ESRRG: variants seen among roughly 807,000 people sequenced by gnomAD.
The protein encoded by ESRRG is estrogen-related receptor gamma.
In ESRRG, 13 loss-of-function variants were observed where a neutral mutation model predicts 44.0. The ratio of observed to expected loss-of-function variants is 0.30; its 90% CI spans 0.19 to 0.47. ESRRG has a LOEUF of 0.47. ESRRG is among the 20% of genes least tolerant of loss of function. The pLI, the probability that ESRRG is intolerant of heterozygous loss-of-function variation, is 1.00. For synonymous variants in ESRRG, 215 were observed against 214.6 expected (o/e 1.00, Z -0.02); for missense variants, 395 against 580.6 (o/e 0.68, Z 3.29).
chr1:216,761,609 A>AT (rs2092778207), intron 2 of ESRRG, among the ~76,000 whole-genome samples: 1 of 152,160 alleles, frequency 6.6e-6, no homozygotes. Context: ...GAATACAACA[A>AT]TTAAAAACAG....
At chr1:216,530,995 C>A (rs1442736766) in intron 5 of ESRRG, among the ~76,000 whole-genome samples, 1 of 152,012 alleles carries the variant, frequency 6.6e-6, no homozygotes, top group Non-Finnish European at 1.5e-5. Flanking sequence ...AACTCAGTGT[C>A]TTTAACATAT....
chr1:216,600,023 A>T lies in ESRRG; in HGVS notation c.590-31925T>A, dbSNP rs552680480. Reference sequence around the variant, plus strand: ...GGATTAAGAAGTCACACACACTAATAGCCCCTGTTAACAAAACCTAAACCG... The same window carrying T: ...GGATTAAGAAGTCACACACACTAATTGCCCCTGTTAACAAAACCTAAACCG... On this transcript the variant is annotated intron_variant, in intron 3 of 6. Transcript: ENST00000408911. Among the ~76,000 whole-genome samples, 4 of 152,350 alleles carry T rather than the reference A, an allele frequency of 2.6e-5. No homozygotes were observed. In the South Asian group the frequency reaches 8.3e-4, roughly 32 times the overall value.
intron 3 of ESRRG, among the ~76,000 whole-genome samples, chr1:216,643,145 A>G (rs540442196): frequency 1.4e-4 from 21 of 152,286 alleles, no homozygotes; most frequent in African/African-American, 5.1e-4. Context: ...CTCTGGGATA[A>G]TTTTTCTTTA....
At chr1:217,008,242 A>C (rs2150748327) in intron 1 of ESRRG, among the ~76,000 whole-genome samples, 1 of 152,310 alleles carries the variant, frequency 6.6e-6, no homozygotes, top group African/African-American at 2.4e-5. Flanking sequence ...GAGTAACTTG[A>C]TTCTTAGCAA....
At chr1:216,796,651 C>CCTT (rs1040901253) in intron 2 of ESRRG, among the ~76,000 whole-genome samples, 2 of 152,060 alleles carry the variant, frequency 1.3e-5, no homozygotes, top group Non-Finnish European at 2.9e-5. Context: ...CAATTTCTTT[C>CCTT]CTTCTTCTCC....
chr1:216,680,412 A>G (rs1300691254), intron 1 of ESRRG, among the ~76,000 whole-genome samples: 2 of 151,976 alleles, frequency 1.3e-5, no homozygotes, highest in Non-Finnish European at 2.9e-5. Flanking sequence ...TCTTGAAGAC[A>G]ACAGAGTTTT....
chr1:216,965,865 T>G (rs2070233943), intron 1 of ESRRG, among the ~76,000 whole-genome samples: 1 of 152,164 alleles, frequency 6.6e-6, no homozygotes, highest in South Asian at 2.1e-4. Flanking sequence ...GGATTCTAAA[T>G]TAGAGCTTGG....
chr1:216,514,906 C>A (rs992576196), intron 6 of ESRRG, among the ~76,000 whole-genome samples: 1 of 151,768 alleles, frequency 6.6e-6, no homozygotes, highest in African/African-American at 2.4e-5. Flanking sequence ...AATATCAAAT[C>A]AACTAATTTA....
chr1:216,934,769 GC>G (rs1270321629), intron 2 of ESRRG, among the ~76,000 whole-genome samples: 2 of 152,142 alleles, frequency 1.3e-5, no homozygotes, highest in Non-Finnish European at 2.9e-5. Context: ...TGGGATCACA[GC>G]CAAACCATAT....
intron 6 of ESRRG, among the ~76,000 whole-genome samples, chr1:216,507,749 T>C (rs2041586440): frequency 2.0e-5 from 3 of 152,220 alleles, no homozygotes. Flanking sequence ...TGTTCTAGTA[T>C]CAGTTGATTA....
At chr1:217,137,417 C>T (rs2093064106) in intron 1 of ESRRG, among the ~76,000 whole-genome samples, 1 of 152,230 alleles carries the variant, frequency 6.6e-6, no homozygotes, top group African/African-American at 2.4e-5. Context: ...GCGGGGTGTG[C>T]CCACCGCCCA....
chr1:216,528,015 G>A (rs1354248189), intron 5 of ESRRG, among the ~76,000 whole-genome samples: 1 of 151,604 alleles, frequency 6.6e-6, no homozygotes, highest in Non-Finnish European at 1.5e-5. Context: ...CTGTCACATA[G>A]CTGGCGCTCA....
intron 1 of ESRRG, among the ~76,000 whole-genome samples, chr1:216,979,874 G>T (rs1158297217): frequency 6.6e-6 from 1 of 152,052 alleles, no homozygotes; most frequent in Non-Finnish European, 1.5e-5. Context: ...TAATAAAAAT[G>T]CACATATTGC....
chr1:216,770,705 A>G (rs1204711313), intron 2 of ESRRG, among the ~76,000 whole-genome samples: 1 of 152,124 alleles, frequency 6.6e-6, no homozygotes. Context: ...ACCACATTTT[A>G]AGCAACAACA....
At chr1:217,010,368 A>C (rs1240235515) in intron 1 of ESRRG, among the ~76,000 whole-genome samples, 1 of 152,180 alleles carries the variant, frequency 6.6e-6, no homozygotes, top group Non-Finnish European at 1.5e-5. Context: ...AATGCAGCTG[A>C]AATTTTTAAA....
chr1:217,119,683 C>T (rs1048288572), intron 1 of ESRRG, among the ~76,000 whole-genome samples: 2 of 152,066 alleles, frequency 1.3e-5, no homozygotes, highest in Admixed American at 6.6e-5. Flanking sequence ...TTTGAGTAAA[C>T]ATTATATGAT....
In ESRRG at chr1:217,099,905, G is replaced by A. The variant is rs965402134; in HGVS notation, c.-230+37762C>T. ...AGTTGACCAGTTCCTCTCCAAACAC[G>A]GAGAATAACAATGAAGTGGAGAATC... On this transcript the variant is annotated intron_variant, in intron 1 of 8. Transcript: ENST00000366940. Among the ~76,000 whole-genome samples, 37 of 151,902 alleles carry A rather than the reference G, an allele frequency of 2.4e-4. 1 individual carries two copies. Among genetic ancestry groups the A allele is most frequent in the South Asian group, 8.3e-4 (4 of 4,820 alleles).
At chr1:216,670,432 C>T (rs2074937215) in intron 2 of ESRRG, among the ~76,000 whole-genome samples, 1 of 152,188 alleles carries the variant, frequency 6.6e-6, no homozygotes, top group South Asian at 2.1e-4. Context: ...CACATTAATG[C>T]CACTTTAGCC....
chr1:216,752,590 T>G (rs960987456), intron 2 of ESRRG, among the ~76,000 whole-genome samples: 11 of 152,140 alleles, frequency 7.2e-5, no homozygotes, highest in Non-Finnish European at 8.8e-5. Context: ...CAGAAAGAAC[T>G]TCTGGGCATT....
Sources: gnomAD v4.1 joint callset for allele counts (sites outside exome capture counted in the v4.1 genomes callset) on GRCh38, gnomAD v4.1.1 for gene constraint, MANE v1.5 for transcripts, NCBI Gene and HGNC (gene_info 2026-07-23, HGNC 2026-07-21) for gene names.